Variants in SLC30A8 observed in about 807,000 individuals in gnomAD.
The protein encoded by SLC30A8 is solute carrier family 30 member 8, also known as proton-coupled zinc antiporter SLC30A8.
Under a neutral mutation model 36.9 loss-of-function variants are expected in SLC30A8, and 27 were observed. That is an observed-to-expected ratio of 0.73 (90% CI 0.54 to 1.01). The LOEUF (loss-of-function observed/expected upper bound fraction) is 1.01, where lower values mean the gene tolerates loss of function less well. Among genes scored for constraint, SLC30A8 ranks in the 50% least tolerant of loss-of-function variants. The probability of loss-of-function intolerance (pLI) is 0.00; values close to 1 mark genes in which losing one functional copy is unlikely to be tolerated. For synonymous variants in SLC30A8, 164 were observed against 172.4 expected, an observed-to-expected ratio of 0.95 and a Z score of 0.38; for missense variants, 439 against 452.0, an observed-to-expected ratio of 0.97 and a Z score of 0.26.
intron 2 of SLC30A8, among the ~76,000 whole-genome samples, chr8:117,064,730 G>T (rs1378106602): frequency 2.0e-5 from 3 of 152,210 alleles, no homozygotes; most frequent in South Asian, 4.1e-4. Context: ...GAAAATAAAT[G>T]AGACTTTCTC....
intron 1 of SLC30A8, among the ~76,000 whole-genome samples, chr8:117,032,774 C>T (rs925753345): frequency 6.6e-6 from 1 of 151,994 alleles, no homozygotes; most frequent in African/African-American, 2.4e-5. Context: ...CCTGTAATCT[C>T]AGCTACTCAG....
At chr8:117,091,552 T>C (rs1418089345) in intron 2 of SLC30A8, among the ~76,000 whole-genome samples, 1 of 152,190 alleles carries the variant, frequency 6.6e-6, no homozygotes, top group African/African-American at 2.4e-5. Context: ...ATTTGTTGAA[T>C]TGAATTATCT....
At chr8:116,965,884 ATTTTT>A (rs528650121) in intron 1 of SLC30A8, among the ~76,000 whole-genome samples, 1 of 138,892 alleles carries the variant, frequency 7.2e-6, no homozygotes, top group African/African-American at 2.6e-5. Context: ...ATTTTTTTTA[ATTTTT>A]TTTTTTTTTT....
intron 1 of SLC30A8, among the ~76,000 whole-genome samples, chr8:117,001,946 G>A: frequency 6.6e-6 from 1 of 152,140 alleles, no homozygotes; most frequent in East Asian, 1.9e-4. Flanking sequence ...CTTAGGGAAT[G>A]GTTTTAGGTC....
At chr8:117,096,136 C>G (rs932866172) in intron 2 of SLC30A8, among the ~76,000 whole-genome samples, 9 of 152,150 alleles carry the variant, frequency 5.9e-5, no homozygotes, top group African/African-American at 1.9e-4. Context: ...GTTATAGTCT[C>G]TCTGAGGCAC....
At chr8:116,978,865 A>T (rs866157766) in intron 1 of SLC30A8, among the ~76,000 whole-genome samples, 2 of 152,150 alleles carry the variant, frequency 1.3e-5, no homozygotes, top group South Asian at 4.1e-4. Context: ...TCTGTTTTAG[A>T]AACACCTGTG....
At chr8:117,122,270 T>C (rs931781545) in intron 2 of SLC30A8, among the ~76,000 whole-genome samples, 4 of 151,976 alleles carry the variant, frequency 2.6e-5, no homozygotes, top group African/African-American at 9.7e-5. Context: ...GGCCCTGACA[T>C]CCTTTAATAA....
At chr8:117,056,244 A>G (rs1817866542) in intron 2 of SLC30A8, 1 of 152,222 alleles carries the variant, frequency 6.6e-6, no homozygotes, top group Admixed American at 6.6e-5. Context: ...TAGACTCACA[A>G]TTCTCCCCAT....
chr8:117,159,705 A>ACGG (rs1822679797), intron 4 of SLC30A8, among the ~76,000 whole-genome samples: 2 of 152,222 alleles, frequency 1.3e-5, no homozygotes, highest in Non-Finnish European at 2.9e-5. Context: ...GGGTCAATAA[A>ACGG]GTCCGCTTTG....
chr8:117,058,677 A>G (rs1021470003), intron 2 of SLC30A8, among the ~76,000 whole-genome samples: 2 of 152,224 alleles, frequency 1.3e-5, no homozygotes, highest in African/African-American at 2.4e-5. Context: ...CCGGTTTTGC[A>G]TGGCCTATGA....
intron 1 of SLC30A8, among the ~76,000 whole-genome samples, chr8:116,956,275 G>A (rs1814198813): frequency 6.6e-6 from 1 of 152,152 alleles, no homozygotes; most frequent in Non-Finnish European, 1.5e-5. Flanking sequence ...CAGCAGAGGG[G>A]TTCAAGGGAC....
chr8:117,087,348 A>G (rs541102013), intron 2 of SLC30A8, among the ~76,000 whole-genome samples: 2 of 152,336 alleles, frequency 1.3e-5, no homozygotes, highest in African/African-American at 4.8e-5. Flanking sequence ...GTGGCAACCG[A>G]TGACCACAAA....
intron 1 of SLC30A8, among the ~76,000 whole-genome samples, chr8:117,138,060 CAAAA>C (rs60065374): frequency 4.0e-5 from 2 of 49,978 alleles, no homozygotes; most frequent in Non-Finnish European, 4.2e-5. Context: ...TTCATTGTAG[CAAAA>C]AAAAAAAAAA....
chr8:117,050,625 G>A (rs914098206), intron 2 of SLC30A8, among the ~76,000 whole-genome samples: 1 of 152,034 alleles, frequency 6.6e-6, no homozygotes, highest in Non-Finnish European at 1.5e-5. Context: ...GGCTGGTCTC[G>A]AACTCCTGAA....
At chr8:117,043,034 G>A (rs1817438471) in intron 2 of SLC30A8, among the ~76,000 whole-genome samples, 1 of 152,190 alleles carries the variant, frequency 6.6e-6, no homozygotes, top group Non-Finnish European at 1.5e-5. Context: ...CAACCTTTAT[G>A]GAGGGTTTAT....
chr8:117,140,146 T>C (rs540940550), intron 1 of SLC30A8, among the ~76,000 whole-genome samples: 1 of 152,144 alleles, frequency 6.6e-6, no homozygotes, highest in Admixed American at 6.6e-5. Flanking sequence ...TCATAGAAGC[T>C]GGCAGAAGAA....
chr8:117,060,881 TG>T (rs1818006302), intron 2 of SLC30A8, among the ~76,000 whole-genome samples: 1 of 152,228 alleles, frequency 6.6e-6, no homozygotes, highest in South Asian at 2.1e-4. Flanking sequence ...TAGTTCAAAA[TG>T]TATTTTGGAG....
intron 1 of SLC30A8, among the ~76,000 whole-genome samples, chr8:117,004,279 T>G (rs1407605493): frequency 6.6e-6 from 1 of 152,232 alleles, no homozygotes; most frequent in African/African-American, 2.4e-5. Context: ...TGTCACAAAG[T>G]TATTGTAGAA....
chr8:117,061,810 ATCT>A (rs1415979360), intron 2 of SLC30A8, among the ~76,000 whole-genome samples: 1 of 152,202 alleles, frequency 6.6e-6, no homozygotes, highest in Non-Finnish European at 1.5e-5. Context: ...CCTGAGAGTC[ATCT>A]TAGCAGGGCT....
Sources: gnomAD v4.1 joint callset for allele counts (sites outside exome capture counted in the v4.1 genomes callset) on GRCh38, gnomAD v4.1.1 for gene constraint, MANE v1.5 for transcripts, NCBI Gene and HGNC (gene_info 2026-07-23, HGNC 2026-07-21) for gene names.